CDC42BPA: variants seen among roughly 807,000 people sequenced by gnomAD.
CDC42BPA encodes the protein serine/threonine-protein kinase MRCK alpha.
Under a neutral mutation model 223.5 loss-of-function variants are expected in CDC42BPA, and 80 were observed. The observed-to-expected ratio is 0.36, with a 90% confidence interval of 0.30 to 0.43. CDC42BPA has a LOEUF of 0.43. Ranked by LOEUF, CDC42BPA falls within the 20% of genes least tolerant of loss-of-function variation. The pLI is 1.00. For missense variants in CDC42BPA, 1,743 were observed against 2,099.9 expected (o/e 0.83, Z 3.32); for synonymous variants, 694 against 718.6 (o/e 0.97, Z 0.55).
intron 12 of CDC42BPA, among the ~76,000 whole-genome samples, chr1:227,114,023 A>AAAAAAAAAAAAAAAAT (rs1687377624): frequency 6.6e-6 from 1 of 151,634 alleles, no homozygotes; most frequent in Admixed American, 6.6e-5. Context: ...AACTCAAAAA[A>AAAAAAAAAAAAAAAAT]AAAGAAAAGA....
intron 11 of CDC42BPA, among the ~76,000 whole-genome samples, chr1:227,126,265 T>TA: frequency 6.6e-6 from 1 of 152,248 alleles, no homozygotes; most frequent in East Asian, 1.9e-4. Flanking sequence ...TGCCACAAGG[T>TA]AAGTACTAAA....
Position 227,031,440 on chromosome 1 carries a change from C to A in CDC42BPA, c.3633G>T (p.Lys1211Asn). Residue 1211 changes from lysine to asparagine, a missense_variant, in exon 28 of 37, where the codon AAG becomes AAT. Coordinates refer to ENST00000366766, the MANE Select transcript of CDC42BPA (RefSeq NM_001394014.1). The stretch of plus-strand genomic sequence containing the variant: ...CACTCAGCACTCCCACCCACTTATT[C>A]TTCTCATTCTCAGTGTCTGCTAGCA... Reference protein sequence around the residue: ...ILMLADTENEKNKWVGVLSEL... With the variant: ...ILMLADTENENNKWVGVLSEL... 6.2e-7 allele frequency: 1 copy of A among 1,614,026 alleles called. No individual in the cohort carries two copies. The highest frequency in any genetic ancestry group is 1.1e-5 in the South Asian group (1 of 91,074).
chr1:227,034,632 T>G, intron 26 of CDC42BPA, 23 bp downstream of exon 26: 1 of 1,569,288 alleles, frequency 6.4e-7, no homozygotes, highest in Non-Finnish European at 8.7e-7. Flanking sequence ...ATGATACAAA[T>G]AATTTTACCT....
chr1:227,095,841 C>T (rs767272847), intron 15 of CDC42BPA, among the ~76,000 whole-genome samples: 40 of 152,172 alleles, frequency 2.6e-4, no homozygotes, highest in Non-Finnish European at 4.7e-4. Context: ...ATCCGCCCGC[C>T]TCAGCCTCCC....
chr1:227,260,783 A>G (rs7543419), intron 1 of CDC42BPA, among the ~76,000 whole-genome samples: 17,728 of 150,912 alleles, frequency 0.12, 1,440 homozygotes, highest in South Asian at 0.18. Flanking sequence ...CTTCTCCCTT[A>G]TCTGCAATGG....
At position 227,091,869 on chromosome 1, in the gene CDC42BPA, G is replaced by A. The variant is rs1412474886; in HGVS notation, c.2355+17C>T. ...CTAGCATGTACTACTCAATTAATAT[G>A]AGATTAAATCACTCACCTTATCAAG... On this transcript the variant is annotated intron_variant, in intron 16 of 36. Coordinates refer to ENST00000366766, the MANE Select transcript of CDC42BPA (RefSeq NM_001394014.1). 1 of 1,362,784 alleles carries A rather than the reference G, an allele frequency of 7.3e-7. No individual in the cohort carries two copies. Among genetic ancestry groups the A allele is most frequent in the Non-Finnish European group, 1.0e-6 (1 of 964,848 alleles). The allele number at this position is 1,362,784 out of a possible 1,614,324, so 84.4% of individuals were successfully genotyped here.
rs1256179224 is a variant in CDC42BPA at position 227,119,865 on chromosome 1, T to A, written c.1586A>T (p.Gln529Leu). The stretch of plus-strand genomic sequence containing the variant: ...GATTTGTTTTTCATAAGCCTTGATT[T>A]GTCTAAAAGCATCATCTAGTTCTTG... ...VRQELDDAFR[Q>L]IKAYEKQIKT... Residue 529 changes from glutamine (Q) to leucine (L), a missense_variant, in exon 12 of 37, where the codon CAA (glutamine) becomes CTA (leucine). By Grantham distance (113) the Gln-to-Leu change is moderately radical (BLOSUM62 -2). Coordinates refer to ENST00000366766, the MANE Select transcript of CDC42BPA (RefSeq NM_001394014.1). The A allele has an allele frequency of 6.2e-7, 1 of 1,603,588 alleles. No individual in the cohort carries two copies. The highest frequency in any genetic ancestry group is 8.5e-7 in the Non-Finnish European group (1 of 1,174,196).
intron 5 of CDC42BPA, among the ~76,000 whole-genome samples, chr1:227,169,419 A>G (rs1335888829): frequency 6.6e-6 from 1 of 152,012 alleles, no homozygotes; most frequent in Non-Finnish European, 1.5e-5. Context: ...TTCTTTTTTT[A>G]ATCAGCTGAT....
rs763580195 is a variant in CDC42BPA at position 227,112,663 on chromosome 1, C to A, written c.1890+8G>T. 3.1e-6 allele frequency: 5 copies of A among 1,613,060 alleles called. No individual in the cohort carries two copies. The South Asian group carries it at 5.5e-5, about 18-fold the overall frequency. Reference sequence around the variant, plus strand: ...CATGGGCACTACAAAATTTGCCTGACTACTAACCTCTTTTTTGGCTCTTTC... The same window carrying A: ...CATGGGCACTACAAAATTTGCCTGAATACTAACCTCTTTTTTGGCTCTTTC... On this transcript the variant is annotated splice_region_variant and intron_variant, in intron 13 of 36. Transcript: ENST00000366766.
rs190881800 is a variant in CDC42BPA, at chr1:227,022,013, C to T, written c.4615+1250G>A. Among the ~76,000 whole-genome samples, 29 of 124,630 alleles carry T rather than the reference C, an allele frequency of 2.3e-4. No individual in the cohort carries two copies. In the East Asian group the frequency reaches 3.5e-3, roughly 15 times the overall value. The allele number at this position is 124,630 out of a possible 152,430, so 81.8% of individuals were successfully genotyped here. A position where few individuals can be genotyped will look rare whatever the true frequency, so the allele number is the denominator to read the frequency against. ...CCAGCCTCGCAACAGAGCGAGACTC[C>T]GTCTCCCCCGCAAAAAAAAAATAAA... On this transcript the variant is annotated intron_variant, in intron 32 of 36. Transcript: ENST00000366766.
chr1:227,107,307 T>G (rs1686099519), intron 14 of CDC42BPA, among the ~76,000 whole-genome samples: 1 of 152,234 alleles, frequency 6.6e-6, no homozygotes, highest in African/African-American at 2.4e-5. Context: ...TAAGTGGAAT[T>G]GCTTTCTTAA....
At chr1:227,269,047 G>A (rs886332451) in intron 1 of CDC42BPA, among the ~76,000 whole-genome samples, 2 of 152,136 alleles carry the variant, frequency 1.3e-5, no homozygotes, top group African/African-American at 4.8e-5. Flanking sequence ...TCAGGGGTTG[G>A]CAAACCTTTT....
At chr1:227,102,115 G>A (rs771990624) in intron 14 of CDC42BPA, among the ~76,000 whole-genome samples, 1 of 152,094 alleles carries the variant, frequency 6.6e-6, no homozygotes, top group Non-Finnish European at 1.5e-5. Flanking sequence ...AGATCTGGAG[G>A]TCACTGTATT....
chr1:227,220,121 T>TCCC (rs1400014648), intron 2 of CDC42BPA, among the ~76,000 whole-genome samples: 6 of 151,738 alleles, frequency 4.0e-5, no homozygotes, highest in Non-Finnish European at 5.9e-5. Flanking sequence ...TGCCACCAAC[T>TCCC]CCCCAGCCCT....
rs386369874 is a variant in CDC42BPA at position 227,261,124 on chromosome 1, C to CTTTTTTTTTT, written c.179-6970_179-6969insAAAAAAAAAA. Among the ~76,000 whole-genome samples the CTTTTTTTTTT allele has an allele frequency of 3.4e-4, 41 of 120,928 alleles. 1 individual carries two copies. The highest frequency in any genetic ancestry group is 5.4e-4 in the Non-Finnish European group (32 of 59,642). The allele number at this position is 120,928 out of a possible 152,430, so 79.3% of individuals were successfully genotyped here. ...TTTTTAACAGAATAATTGAGTTTTT[C>CTTTTTTTTTT]TTTTTTTTTGAGACAGAGTCTCGCT... is the stretch of plus-strand genomic sequence containing the variant. On this transcript the variant is annotated intron_variant, in intron 1 of 36. Coordinates refer to ENST00000366766, the MANE Select transcript of CDC42BPA (RefSeq NM_001394014.1).
At chr1:227,137,993 T>C (rs115853749) in intron 10 of CDC42BPA, among the ~76,000 whole-genome samples, 1,646 of 151,972 alleles carry the variant, frequency 0.011, 33 homozygotes, top group African/African-American at 0.037. Context: ...AGTAGAATGC[T>C]TGCACACTTT....
chr1:227,025,936 A>C (rs1163841947), intron 31 of CDC42BPA, 119 bp downstream of exon 31: 2 of 619,688 alleles, frequency 3.2e-6, no homozygotes, highest in Non-Finnish European at 5.7e-6. Context: ...GCTAAGTCCC[A>C]AACTGCCAAT....
At chr1:227,129,033 T>C (rs1186526946) in intron 11 of CDC42BPA, 76 bp downstream of exon 11, 2 of 981,756 alleles carry the variant, frequency 2.0e-6, no homozygotes, top group East Asian at 2.4e-5. Flanking sequence ...AGGTTCTCAA[T>C]AGATGTTTTT....
chr1:227,243,756 T>TCTCA lies in CDC42BPA; in HGVS notation c.270+10307_270+10308insTGAG, dbSNP rs1393506616. 2.7e-5 allele frequency among the ~76,000 whole-genome samples: 4 copies of TCTCA among 146,666 alleles called. No individual in the cohort carries two copies. The South Asian group carries it at 8.9e-4, about 33-fold the overall frequency. On this transcript the variant is annotated intron_variant, in intron 2 of 36. Coordinates refer to ENST00000366766, the MANE Select transcript of CDC42BPA (RefSeq NM_001394014.1). ...AATGCCAAGCCACGGAAAAGATTTGTCACACACACACACACACACACACAC... is the reference window on the plus strand; with the variant it reads ...AATGCCAAGCCACGGAAAAGATTTGTCTCACACACACACACACACACACACACAC...
Sources: allele counts gnomAD v4.1 joint callset (sites outside exome capture counted in the v4.1 genomes callset), GRCh38; gene constraint gnomAD v4.1.1; transcripts MANE v1.5; gene names NCBI Gene and HGNC (gene_info 2026-07-23, HGNC 2026-07-21).